CCDC85A: variants seen among roughly 807,000 people sequenced by gnomAD.
CCDC85A encodes coiled-coil domain containing 85A.
Under a neutral mutation model 50.2 loss-of-function variants are expected in CCDC85A, and 38 were observed. That is an observed-to-expected ratio of 0.76 (90% CI 0.58 to 0.99). The LOEUF (loss-of-function observed/expected upper bound fraction) is 0.99, where lower values mean the gene tolerates loss of function less well. Among genes scored for constraint, CCDC85A ranks in the 50% least tolerant of loss-of-function variants. The probability of loss-of-function intolerance (pLI) is 0.00; values close to 1 mark genes in which losing one functional copy is unlikely to be tolerated. For synonymous variants in CCDC85A, 366 were observed against 301.4 expected (o/e 1.21, Z -2.22); for missense variants, 820 against 742.0 (o/e 1.11, Z -1.22).
chr2:56,220,524 A>G (rs1668279927), intron 2 of CCDC85A, among the ~76,000 whole-genome samples: 1 of 152,098 alleles, frequency 6.6e-6, no homozygotes, highest in Admixed American at 6.6e-5. Flanking sequence ...GAATGAGGGC[A>G]GAAAACCACA....
chr2:56,248,131 G>T (rs763294604), intron 2 of CCDC85A, among the ~76,000 whole-genome samples: 2 of 152,232 alleles, frequency 1.3e-5, no homozygotes, highest in Non-Finnish European at 2.9e-5. Context: ...TCAATTTCTG[G>T]AAGTTAGGAT....
chr2:56,248,843 G>A (rs1669625893), intron 2 of CCDC85A, among the ~76,000 whole-genome samples: 1 of 152,118 alleles, frequency 6.6e-6, no homozygotes, highest in Non-Finnish European at 1.5e-5. Flanking sequence ...CACTGGCCAA[G>A]GTCATATGGA....
At position 56,184,412 on chromosome 2, in the gene CCDC85A, G is replaced by C; in HGVS notation, c.-213G>C. 1 of 535,716 alleles carries C rather than the reference G, an allele frequency of 1.9e-6. No homozygotes were observed. The highest frequency in any genetic ancestry group is 4.3e-5 in the East Asian group (1 of 23,218). 33.2% of individuals were successfully genotyped at this position (535,716 alleles called of 1,614,324 possible). A position where few individuals can be genotyped will look rare whatever the true frequency, so the allele number is the denominator to read the frequency against. ...GGCAGCAGCAAGCGGCTGGCTGCCG[G>C]GCCCTGGGGGAGCGCGGGCGCGCGC... is the stretch of plus-strand genomic sequence containing the variant. On this transcript the variant is annotated 5_prime_UTR_variant, in exon 1 of 6. Coordinates refer to ENST00000407595, the MANE Select transcript of CCDC85A (RefSeq NM_001080433.2).
At chr2:56,236,247 A>G (rs1161268138) in intron 2 of CCDC85A, among the ~76,000 whole-genome samples, 6 of 152,182 alleles carry the variant, frequency 3.9e-5, no homozygotes, top group Admixed American at 3.9e-4. Context: ...TCATACTATA[A>G]CTGGTATGAG....
intron 2 of CCDC85A, among the ~76,000 whole-genome samples, chr2:56,198,863 A>G (rs1033009968): frequency 1.3e-5 from 2 of 152,212 alleles, no homozygotes; most frequent in Admixed American, 6.5e-5. Flanking sequence ...CGTCTGCACA[A>G]TGCCAAACAT....
At chr2:56,371,825 A>T (rs947279348) in intron 3 of CCDC85A, among the ~76,000 whole-genome samples, 1 of 152,136 alleles carries the variant, frequency 6.6e-6, no homozygotes, top group Non-Finnish European at 1.5e-5. Context: ...AGCTCATTAC[A>T]TTCTCTTCAA....
At chr2:56,252,735 C>T (rs1669820987) in intron 2 of CCDC85A, among the ~76,000 whole-genome samples, 1 of 152,146 alleles carries the variant, frequency 6.6e-6, no homozygotes, top group African/African-American at 2.4e-5. Context: ...TGATGTTCCC[C>T]TCCCTGTGTC....
chr2:56,190,089 T>C (rs1480529952), intron 1 of CCDC85A, among the ~76,000 whole-genome samples: 1 of 152,222 alleles, frequency 6.6e-6, no homozygotes, highest in East Asian at 1.9e-4. Context: ...GAGGATGTGG[T>C]TGACAGGTGT....
At chr2:56,331,182 C>T (rs1419830926) in intron 2 of CCDC85A, among the ~76,000 whole-genome samples, 2 of 152,020 alleles carry the variant, frequency 1.3e-5, no homozygotes, top group African/African-American at 4.8e-5. Context: ...GTAATGTGTA[C>T]ACATGGACAG....
intron 2 of CCDC85A, among the ~76,000 whole-genome samples, chr2:56,218,578 C>T (rs1006359005): frequency 1.8e-4 from 27 of 151,816 alleles, no homozygotes; most frequent in African/African-American, 6.0e-4. Flanking sequence ...TTTATAATAT[C>T]ACCACCATGT....
intron 2 of CCDC85A, among the ~76,000 whole-genome samples, chr2:56,301,807 G>A (rs1016888848): frequency 5.6e-4 from 85 of 152,270 alleles, no homozygotes; most frequent in Middle Eastern, 3.4e-3. Flanking sequence ...AAAGCCTGTT[G>A]GGGGTGGGAG....
rs58975862 is a variant in CCDC85A at position 56,210,760 on chromosome 2, C to T, written c.1240+17320C>T. On this transcript the variant is annotated intron_variant, in intron 2 of 5. Transcript: ENST00000407595. ...GATAGTCAGGGCTCCTACAGTGTGG[C>T]TCGGTGATCCAAGGGCAAGTGTCCT... Among the ~76,000 whole-genome samples, 645 of 151,912 alleles carry T rather than the reference C, an allele frequency of 4.2e-3. 6 individuals carry two copies. Among genetic ancestry groups the T allele is most frequent in the African/African-American group, 0.015 (625 of 41,448 alleles).
intron 3 of CCDC85A, among the ~76,000 whole-genome samples, chr2:56,370,432 G>T (rs1453178926): frequency 6.6e-6 from 1 of 151,878 alleles, no homozygotes; most frequent in Non-Finnish European, 1.5e-5. Flanking sequence ...GCTGACATGG[G>T]GAGAAAATTA....
At chr2:56,351,112 T>G (rs1674910376) in intron 3 of CCDC85A, among the ~76,000 whole-genome samples, 1 of 145,088 alleles carries the variant, frequency 6.9e-6, no homozygotes, top group African/African-American at 2.6e-5. Context: ...GTTTGGTTTT[T>G]TGTTCTTGCG....
chr2:56,228,841 C>T (rs1404648013), intron 2 of CCDC85A, among the ~76,000 whole-genome samples: 3 of 152,062 alleles, frequency 2.0e-5, no homozygotes, highest in Non-Finnish European at 2.9e-5. Flanking sequence ...CCCTTTCTCC[C>T]GTTTATTTCC....
rs555932920 is a variant in CCDC85A, at chr2:56,357,000, A to C, written c.1317+14045A>C. Among the ~76,000 whole-genome samples, 202 of 151,554 alleles carry C rather than the reference A, an allele frequency of 1.3e-3. 2 individuals carry two copies. Among genetic ancestry groups the C allele is most frequent in the Middle Eastern group, 0.01 (3 of 294 alleles). On this transcript the variant is annotated intron_variant, in intron 3 of 5. Transcript: ENST00000407595. ...AGGTTGAGGCAGGATAATGACGTGA[A>C]CCTGGGAGGCGGAGCTTGCAGTGAG...
At position 56,184,753 on chromosome 2, in the gene CCDC85A, G is replaced by A. The variant is rs1441081208; in HGVS notation, c.129G>A (p.Glu43=). 1.9e-6 allele frequency: 3 copies of A among 1,544,600 alleles called. No individual in the cohort carries two copies. The highest frequency in any genetic ancestry group is 1.2e-5 in the South Asian group (1 of 83,620). The change falls in exon 1 of 6, where the codon GAG becomes GAA. Residue 43 remains glutamate (E), a synonymous_variant. Coordinates refer to ENST00000407595, the MANE Select transcript of CCDC85A (RefSeq NM_001080433.2). The stretch of plus-strand genomic sequence containing the variant: ...ACCTGTCCAAAGTGTCGGACGAGGA[G>A]CTGCTGCAGTGGAGCAAGGAGGAGC... ...VEDLSKVSDE[E]LLQWSKEELI...
intron 2 of CCDC85A, among the ~76,000 whole-genome samples, chr2:56,296,558 G>C (rs148526877): frequency 6.6e-6 from 1 of 152,226 alleles, no homozygotes; most frequent in East Asian, 1.9e-4. Context: ...AGTAGGGAAA[G>C]GAATTTTGGC....
At chr2:56,228,692 C>A (rs1668648018) in intron 2 of CCDC85A, among the ~76,000 whole-genome samples, 4 of 152,016 alleles carry the variant, frequency 2.6e-5, no homozygotes, top group African/African-American at 9.7e-5. Flanking sequence ...ACCCCCATGC[C>A]TGGCTAATTT....
Sources: allele counts gnomAD v4.1 joint callset (sites outside exome capture counted in the v4.1 genomes callset), GRCh38; gene constraint gnomAD v4.1.1; transcripts MANE v1.5; gene names NCBI Gene and HGNC (gene_info 2026-07-23, HGNC 2026-07-21).